Variants in MTA3 observed in about 807,000 individuals in gnomAD.
MTA3 encodes metastasis associated 1 family member 3.
A neutral mutation model predicts 83.5 loss-of-function variants in MTA3; 34 were observed. The observed-to-expected ratio is 0.41, with a 90% confidence interval of 0.31 to 0.54. MTA3 has a LOEUF of 0.54. Among genes scored for constraint, MTA3 ranks in the 20% least tolerant of loss-of-function variants. MTA3 has a pLI of 0.33. For missense variants in MTA3, 761 were observed against 726.4 expected, an observed-to-expected ratio of 1.05 and a Z score of -0.55; for synonymous variants, 303 against 252.7, an observed-to-expected ratio of 1.20 and a Z score of -1.89.
At chr2:42,608,623 CT>C (rs1683794642) in intron 3 of MTA3, among the ~76,000 whole-genome samples, 1 of 152,176 alleles carries the variant, frequency 6.6e-6, no homozygotes, top group Non-Finnish European at 1.5e-5. Context: ...TGGCTCATGC[CT>C]GTAATCCCAG....
chr2:42,549,221 T>C (rs1572964118), intron 2 of MTA3, among the ~76,000 whole-genome samples: 2 of 135,266 alleles, frequency 1.5e-5, no homozygotes, highest in African/African-American at 5.5e-5. Context: ...TATATTTGTA[T>C]ATATTATATA....
intron 8 of MTA3, among the ~76,000 whole-genome samples, chr2:42,673,744 C>A (rs1455295444): frequency 6.6e-6 from 1 of 152,176 alleles, no homozygotes; most frequent in Non-Finnish European, 1.5e-5. Flanking sequence ...CATCCCAAAT[C>A]AGGGTGAAAA....
intron 3 of MTA3, among the ~76,000 whole-genome samples, chr2:42,591,571 A>T (rs1223089520): frequency 3.9e-5 from 6 of 152,150 alleles, no homozygotes; most frequent in Admixed American, 2.0e-4. Flanking sequence ...ACACAAACAC[A>T]TTGAATGGCT....
chr2:42,720,179 AT>A lies in MTA3; in HGVS notation c.1612+1109del, dbSNP rs1267526451. On this transcript the variant is annotated intron_variant, in intron 15 of 16. Coordinates refer to ENST00000405094, the MANE Select transcript of MTA3 (RefSeq NM_001330442.2). ...GCTTTATTTATTTATTTATTTATTT[AT>A]TTTATTTATTTATTTTTTTTGAGAC... Among the ~76,000 whole-genome samples, 820 of 141,228 alleles carry A rather than the reference AT, an allele frequency of 5.8e-3. 9 individuals are homozygous for A. The highest frequency in any genetic ancestry group is 0.021 in the African/African-American group (761 of 35,742). The allele number at this position is 141,228 out of a possible 152,430, so 92.7% of individuals were successfully genotyped here. A position where few individuals can be genotyped will look rare whatever the true frequency, so the allele number is the denominator to read the frequency against.
chr2:42,560,198 T>G (rs1677597721), intron 2 of MTA3, among the ~76,000 whole-genome samples: 1 of 152,034 alleles, frequency 6.6e-6, no homozygotes, highest in South Asian at 2.1e-4. Flanking sequence ...AATTTTGTAT[T>G]TTTAGTAGAG....
At chr2:42,698,571 C>T (rs953856170) in intron 11 of MTA3, 2 of 152,088 alleles carry the variant, frequency 1.3e-5, no homozygotes, top group Admixed American at 6.6e-5. Context: ...TTAAGCACCA[C>T]GTGTATATTG....
At chr2:42,740,126 A>G (rs1668921066) in intron 16 of MTA3, among the ~76,000 whole-genome samples, 1 of 152,242 alleles carries the variant, frequency 6.6e-6, no homozygotes, top group South Asian at 2.1e-4. Context: ...GCAGGTTTTC[A>G]GTTGACTTTG....
At position 42,719,407 on chromosome 2, in the gene MTA3, ATTC is replaced by A. The variant is rs930619421; in HGVS notation, c.1612+340_1612+342del. 6.6e-5 allele frequency among the ~76,000 whole-genome samples: 10 copies of A among 152,348 alleles called. No homozygotes were observed. The South Asian group carries it at 1.2e-3, about 19-fold the overall frequency. On this transcript the variant is annotated intron_variant, in intron 15 of 16. Transcript: ENST00000405094. ...AGTACTTAGGATGAATAGTCTTAAT[ATTC>A]TTCTTCAGATCCCTTCCCTGTTTCT... is the stretch of plus-strand genomic sequence containing the variant.
chr2:42,502,529 CG>C (rs558236171), intron 2 of MTA3, among the ~76,000 whole-genome samples: 37 of 151,974 alleles, frequency 2.4e-4, no homozygotes, highest in Non-Finnish European at 4.9e-4. Context: ...CCGGGTGCGG[CG>C]GCTCATGCCT....
chr2:42,616,013 C>T (rs771609810), intron 4 of MTA3, among the ~76,000 whole-genome samples: 8 of 151,866 alleles, frequency 5.3e-5, no homozygotes, highest in Non-Finnish European at 8.8e-5. Flanking sequence ...AGCCACCGTG[C>T]CCGGCCGTAC....
chr2:42,567,156 G>C (rs940227374), upstream of MTA3, among the ~76,000 whole-genome samples: 4 of 152,188 alleles, frequency 2.6e-5, no homozygotes, highest in Non-Finnish European at 1.5e-5. Flanking sequence ...AAGAAAGCAA[G>C]AGACACCTGT....
In MTA3 at chr2:42,742,831, A is replaced by G. The variant is rs114149368; in HGVS notation, c.1760-10543A>G. On this transcript the variant is annotated intron_variant, in intron 16 of 16. Coordinates refer to ENST00000405094, the MANE Select transcript of MTA3 (RefSeq NM_001330442.2). The stretch of plus-strand genomic sequence containing the variant: ...ATATTTCAGTACCTTCCTTATAACT[A>G]TATTTATTTCTTACCTAAAAATATG... 8.1e-3 allele frequency among the ~76,000 whole-genome samples: 1,233 copies of G among 152,302 alleles called. 12 individuals are homozygous for G. Among genetic ancestry groups the G allele is most frequent in the African/African-American group, 0.027 (1,118 of 41,556 alleles).
chr2:42,719,037 C>T lies in MTA3; in HGVS notation c.1575C>T (p.Ser525=). 1 of 1,550,438 alleles carries T rather than the reference C, an allele frequency of 6.4e-7. No homozygotes were observed. Among genetic ancestry groups the T allele is most frequent in the South Asian group, 1.2e-5 (1 of 84,064 alleles). Residue 525 remains serine (S), a synonymous_variant, in exon 15 of 17, where the codon AGC becomes AGT. Coordinates refer to ENST00000405094, the MANE Select transcript of MTA3 (RefSeq NM_001330442.2). ...ELSGSPLKSK[S]TRKPLACIIG... is the part of the protein sequence containing the mutation. ...CTGGAAGTCCACTGAAAAGCAAAAG[C>T]ACTAGGAAGCCTTTGGCATGTATCA...
At chr2:42,751,670 T>C (rs1399080078) in intron 16 of MTA3, among the ~76,000 whole-genome samples, 2 of 152,226 alleles carry the variant, frequency 1.3e-5, no homozygotes, top group African/African-American at 2.4e-5. Context: ...AGGAGAGGGT[T>C]GTTTCTGAAA....
intron 2 of MTA3, among the ~76,000 whole-genome samples, chr2:42,527,791 G>T (rs1456754921): frequency 2.0e-5 from 3 of 151,282 alleles, no homozygotes; most frequent in Non-Finnish European, 2.9e-5. Flanking sequence ...GAAGGGTGAG[G>T]CCAGCCTGGT....
chr2:42,674,574 C>G (rs559162244), intron 8 of MTA3, among the ~76,000 whole-genome samples: 3 of 148,224 alleles, frequency 2.0e-5, no homozygotes, highest in African/African-American at 7.4e-5. Context: ...GGAGGGAAGA[C>G]TTTTAGTTTA....
At chr2:42,622,240 CA>C (rs546900052) in intron 4 of MTA3, among the ~76,000 whole-genome samples, 3 of 151,904 alleles carry the variant, frequency 2.0e-5, no homozygotes, top group East Asian at 3.9e-4. Context: ...CCGTCTCCAC[CA>C]AAAAAAATAC....
At chr2:42,605,086 A>T (rs1437288963) in intron 3 of MTA3, among the ~76,000 whole-genome samples, 1 of 150,798 alleles carries the variant, frequency 6.6e-6, no homozygotes, top group East Asian at 2.0e-4. Flanking sequence ...CCCGTTCTCA[A>T]TGAGCTGTTG....
At chr2:42,692,472 T>C (rs1034916763) in intron 9 of MTA3, among the ~76,000 whole-genome samples, 2 of 151,606 alleles carry the variant, frequency 1.3e-5, no homozygotes, top group African/African-American at 4.9e-5. Context: ...TCACCCAGGC[T>C]GGAGTGCAAT....
Sources: allele counts gnomAD v4.1 joint callset (sites outside exome capture counted in the v4.1 genomes callset), GRCh38; gene constraint gnomAD v4.1.1; transcripts MANE v1.5; gene names NCBI Gene and HGNC (gene_info 2026-07-23, HGNC 2026-07-21).